PGBD5: variants seen among roughly 807,000 people sequenced by gnomAD.
The protein encoded by PGBD5 is piggyBac transposable element derived 5.
PGBD5 carries 14 observed loss-of-function variants against 47.9 expected under a neutral mutation model. The observed-to-expected ratio is 0.29, with a 90% CI of 0.19 to 0.46. The LOEUF (loss-of-function observed/expected upper bound fraction) is 0.46, where lower values mean the gene tolerates loss of function less well. Ranked by LOEUF, PGBD5 falls within the 20% of genes least tolerant of loss-of-function variation. The pLI, the probability that PGBD5 is intolerant of heterozygous loss-of-function variation, is 1.00. For missense variants in PGBD5, 635 were observed against 716.0 expected (o/e 0.89, Z 1.29); for synonymous variants, 316 against 306.3 (o/e 1.03, Z -0.33).
In PGBD5 at chr1:230,425,902, C is replaced by T. The variant is rs1457653163; in HGVS notation, c.27G>A (p.Arg9=). The change falls in exon 1 of 7, where the codon CGG becomes CGA. Residue 9 remains arginine (R), a synonymous_variant. Transcript: ENST00000391860. The surrounding 1 kb of genome is among the most constrained non-coding windows in gnomAD (Gnocchi z 4.7). MAEGGGGA[R]RRAPALLEAA... ...CCTCGAGCAGCGCCGGCGCCCTCCT[C>T]CGCGCGCCCCCGCCGCCCTCGGCCA... 5 of 1,157,014 alleles carry T rather than the reference C, an allele frequency of 4.3e-6. No individual in the cohort carries two copies. The African/African-American group carries it at 6.6e-5, about 15-fold the overall frequency. The allele number at this position is 1,157,014 out of a possible 1,614,324, so 71.7% of individuals were successfully genotyped here. A position where few individuals can be genotyped will look rare whatever the true frequency, so the allele number is the denominator to read the frequency against.
chr1:230,414,345 C>T (rs1657473007), intron 1 of PGBD5, among the ~76,000 whole-genome samples: 1 of 152,228 alleles, frequency 6.6e-6, no homozygotes, highest in African/African-American at 2.4e-5. Flanking sequence ...ATCCCACACA[C>T]TACCTTCAGA....
intron 4 of PGBD5, among the ~76,000 whole-genome samples, chr1:230,336,629 C>G (rs773240180): frequency 6.6e-6 from 1 of 152,172 alleles, no homozygotes; most frequent in Non-Finnish European, 1.5e-5. Context: ...CATGCATGCA[C>G]CAAACACCTG....
chr1:230,335,835 A>ACAGG (rs1667312968), intron 4 of PGBD5, among the ~76,000 whole-genome samples: 1 of 143,984 alleles, frequency 6.9e-6, no homozygotes, highest in African/African-American at 2.7e-5. Context: ...AGACATACAC[A>ACAGG]TACACACACA....
intron 3 of PGBD5, among the ~76,000 whole-genome samples, chr1:230,340,514 T>C (rs1667393754): frequency 1.3e-5 from 2 of 152,174 alleles, no homozygotes; most frequent in African/African-American, 4.8e-5. Flanking sequence ...TATTTCTGTA[T>C]AAAAAGTATT....
At chr1:230,358,714 T>C (rs1667697396) in intron 1 of PGBD5, among the ~76,000 whole-genome samples, 1 of 152,206 alleles carries the variant, frequency 6.6e-6, no homozygotes, top group Admixed American at 6.5e-5. Flanking sequence ...GCACAAATAC[T>C]TACCATTACG....
At chr1:230,374,430 A>T (rs541886257) in intron 1 of PGBD5, among the ~76,000 whole-genome samples, 1 of 152,300 alleles carries the variant, frequency 6.6e-6, no homozygotes, top group South Asian at 2.1e-4. Flanking sequence ...AAGGAAAAAT[A>T]AAAAATTTCA....
At chr1:230,339,643 G>T (rs1441171924) in intron 3 of PGBD5, among the ~76,000 whole-genome samples, 1 of 118,384 alleles carries the variant, frequency 8.4e-6, no homozygotes, top group Non-Finnish European at 2.0e-5. Context: ...AGGAAATGTG[G>T]CATATACACA....
intron 3 of PGBD5, 112 bp from the exon 4 acceptor site, chr1:230,337,400 T>C: frequency 9.2e-7 from 1 of 1,081,516 alleles, no homozygotes; most frequent in Non-Finnish European, 1.3e-6. Context: ...TGGGAGCCCA[T>C]GGAAAAGCCC....
intron 1 of PGBD5, among the ~76,000 whole-genome samples, chr1:230,370,210 C>T (rs954293369): frequency 1.3e-5 from 2 of 152,226 alleles, no homozygotes; most frequent in Non-Finnish European, 2.9e-5. Flanking sequence ...CGCTACCTGC[C>T]TTGCCCTGAC....
At chr1:230,381,968 C>T (rs961089658) in intron 1 of PGBD5, among the ~76,000 whole-genome samples, 16 of 152,182 alleles carry the variant, frequency 1.1e-4, no homozygotes, top group African/African-American at 3.9e-4. Context: ...TTTTGTCATT[C>T]ACAGCTTTAA....
At chr1:230,335,808 GACACATACACT>G (rs1667310884) in intron 4 of PGBD5, among the ~76,000 whole-genome samples, 1 of 6,660 alleles carries the variant, frequency 1.5e-4, no homozygotes, top group African/African-American at 3.5e-4. Flanking sequence ...AAGACACACA[GACACATACACT>G]GACACAGACA....
Position 230,387,884 on chromosome 1 carries a change from G to A in PGBD5, c.332-30563C>T, listed in dbSNP as rs530214385. 1.2e-4 allele frequency among the ~76,000 whole-genome samples: 19 copies of A among 152,256 alleles called. No homozygotes were observed. In the South Asian group the frequency reaches 2.5e-3, roughly 20 times the overall value. On this transcript the variant is annotated intron_variant, in intron 1 of 6. Coordinates refer to ENST00000391860, the MANE Select transcript of PGBD5 (RefSeq NM_001258311.2). ...TGGTAAAGAACATTTTCAGGAATAC[G>A]CCGTAGGGTTACATAATTGGAGGGG...
At chr1:230,355,265 G>A (rs1571837022) in intron 2 of PGBD5, among the ~76,000 whole-genome samples, 1 of 152,206 alleles carries the variant, frequency 6.6e-6, no homozygotes, top group East Asian at 1.9e-4. Context: ...CAGGACACCT[G>A]TACCTGGGAG....
At chr1:230,424,765 T>C (rs1203317398) in intron 1 of PGBD5, among the ~76,000 whole-genome samples, 2 of 152,218 alleles carry the variant, frequency 1.3e-5, no homozygotes, top group African/African-American at 2.4e-5. Context: ...GCGGCTGGTC[T>C]GCAGCTTTCA....
At chr1:230,373,566 G>C (rs969738668) in intron 1 of PGBD5, among the ~76,000 whole-genome samples, 1 of 152,178 alleles carries the variant, frequency 6.6e-6, no homozygotes, top group East Asian at 1.9e-4. Context: ...GTGTTATTCA[G>C]AGCTCAAGAA....
intron 3 of PGBD5, among the ~76,000 whole-genome samples, chr1:230,350,038 G>T (rs1174757799): frequency 6.6e-6 from 1 of 152,212 alleles, no homozygotes; most frequent in African/African-American, 2.4e-5. Flanking sequence ...GAGATGTTCG[G>T]CAGAATCTTC....
intron 1 of PGBD5, among the ~76,000 whole-genome samples, chr1:230,419,936 G>A (rs1289151420): frequency 1.3e-5 from 2 of 152,144 alleles, no homozygotes; most frequent in African/African-American, 4.8e-5. Context: ...GACCAGCCTG[G>A]ACAACATGGC....
intron 1 of PGBD5, among the ~76,000 whole-genome samples, chr1:230,393,286 C>T (rs1346457961): frequency 8.0e-6 from 1 of 125,148 alleles, no homozygotes; most frequent in Admixed American, 1.0e-4. Context: ...GAGGAAAAAG[C>T]GAAGAGAAGA....
At chr1:230,381,216 G>C (rs768025188) in intron 1 of PGBD5, among the ~76,000 whole-genome samples, 12 of 152,240 alleles carry the variant, frequency 7.9e-5, no homozygotes. Flanking sequence ...CCCAAGTTCT[G>C]TCTCCAAGCC....
Sources: allele counts gnomAD v4.1 joint callset (sites outside exome capture counted in the v4.1 genomes callset), GRCh38; gene constraint gnomAD v4.1.1; non-coding constraint Gnocchi (gnomAD v3.1); transcripts MANE v1.5; gene names NCBI Gene and HGNC (gene_info 2026-07-23, HGNC 2026-07-21).